DCAKD: variants seen among roughly 807,000 people sequenced by gnomAD.
DCAKD encodes the protein dephospho-CoA kinase domain-containing protein.
In DCAKD, 15 loss-of-function variants were observed where a neutral mutation model predicts 18.7. The ratio of observed to expected loss-of-function variants is 0.80; its 90% CI spans 0.54 to 1.24. DCAKD has a LOEUF of 1.24. Among genes scored for constraint, DCAKD ranks in the 50% most tolerant of loss-of-function variants. The pLI is 0.00. For missense variants in DCAKD, 301 were observed against 322.0 expected (o/e 0.93, Z 0.50); for synonymous variants, 130 against 133.0 (o/e 0.98, Z 0.16).
rs1023215906 is a variant in DCAKD, at chr17:45,034,982, G to A, written c.-97C>T. The A allele has an allele frequency of 6.1e-6, 8 of 1,310,510 alleles. No individual in the cohort carries two copies. The African/African-American group carries it at 1.2e-4, about 19-fold the overall frequency. The allele number at this position is 1,310,510 out of a possible 1,614,324, so 81.2% of individuals were successfully genotyped here. On this transcript the variant is annotated 5_prime_UTR_variant, in exon 2 of 5. Transcript: ENST00000651974. ...TGTGGCCGATGGGGGCGGTCCACCA[G>A]AGGAGTGCCAGAAGGACCTGCTTGG...
chr17:45,029,531 G>T (rs2053132349), intron 4 of DCAKD, among the ~76,000 whole-genome samples: 1 of 152,202 alleles, frequency 6.6e-6, no homozygotes, highest in African/African-American at 2.4e-5. Flanking sequence ...CCTCCTGTTT[G>T]TCAAACCTGG....
chr17:45,055,439 G>A (rs1334608127), upstream of DCAKD, among the ~76,000 whole-genome samples: 2 of 151,934 alleles, frequency 1.3e-5, no homozygotes, highest in African/African-American at 4.8e-5. Flanking sequence ...GCAGTGGCAC[G>A]ATCTTGGCTC....
intron 1 of DCAKD, chr17:45,060,862 C>T (rs2053842972): frequency 4.4e-6 from 1 of 228,764 alleles, no homozygotes; most frequent in Non-Finnish European, 7.3e-6. Flanking sequence ...AGGTAGCACC[C>T]GCGGGCCTCA....
At position 45,030,168 on chromosome 17, in the gene DCAKD, C is replaced by T. The variant is rs767182459; in HGVS notation, c.328G>A (p.Val110Met). ...FKYFLRGYRYVILDIPLLFET... is the reference protein window; with the variant it reads ...FKYFLRGYRYMILDIPLLFET... ...AACAGCAGGGGGATATCCAGAATCA[C>T]GTAGCGGTATCCTGGGGAGAGGTTG... Residue 110 changes from valine (V) to methionine (M), a missense_variant, in exon 4 of 5, where the codon GTG (valine) becomes ATG (methionine). By Grantham distance (21) the Val-to-Met change is conservative (BLOSUM62 1). Coordinates refer to ENST00000651974, the MANE Select transcript of DCAKD (RefSeq NM_001288655.2). 4.5e-5 allele frequency: 73 copies of T among 1,613,956 alleles called. No homozygotes were observed. Among genetic ancestry groups the T allele is most frequent in the Admixed American group, 3.5e-4 (21 of 59,998 alleles).
intron 1 of DCAKD, among the ~76,000 whole-genome samples, chr17:45,041,934 C>A (rs2053446837): frequency 6.7e-6 from 1 of 150,200 alleles, no homozygotes; most frequent in African/African-American, 2.5e-5. Context: ...GCCTGGGCAA[C>A]AAAGCGAGAT....
At chr17:45,049,782 C>T (rs1383540584) in intron 1 of DCAKD, among the ~76,000 whole-genome samples, 1 of 140,098 alleles carries the variant, frequency 7.1e-6, no homozygotes. Flanking sequence ...TGCAGTGGCA[C>T]GATCTCAGCT....
At chr17:45,035,458 G>T (rs1184634452) in intron 1 of DCAKD, among the ~76,000 whole-genome samples, 1 of 149,598 alleles carries the variant, frequency 6.7e-6, no homozygotes, top group Non-Finnish European at 1.5e-5. Flanking sequence ...TGCAGCCGTG[G>T]GTGACAGAAC....
intron 1 of DCAKD, among the ~76,000 whole-genome samples, chr17:45,040,075 A>G (rs2053394782): frequency 6.7e-6 from 1 of 149,596 alleles, no homozygotes; most frequent in Non-Finnish European, 1.5e-5. Context: ...AGCTTGGGCA[A>G]CAAAGTGAGA....
intron 4 of DCAKD, among the ~76,000 whole-genome samples, chr17:45,029,612 T>G (rs1434262965): frequency 6.6e-6 from 1 of 152,178 alleles, no homozygotes; most frequent in East Asian, 1.9e-4. Flanking sequence ...TGACAGTCCC[T>G]TCCACGAAAC....
At chr17:45,054,284 G>A (rs1388125105), upstream of DCAKD, among the ~76,000 whole-genome samples, 1 of 150,246 alleles carries the variant, frequency 6.7e-6, no homozygotes, top group Non-Finnish European at 1.5e-5. Context: ...GTCTGGCTCT[G>A]TTGCCTAGGC....
chr17:45,041,589 C>T (rs1158821050), intron 1 of DCAKD, among the ~76,000 whole-genome samples: 4 of 151,328 alleles, frequency 2.6e-5, no homozygotes, highest in Non-Finnish European at 4.4e-5. Context: ...GGATTACAGG[C>T]GTGAGCCACT....
upstream of DCAKD, among the ~76,000 whole-genome samples, chr17:45,053,251 T>G (rs1249727197): frequency 2.1e-5 from 2 of 95,878 alleles, no homozygotes; most frequent in Non-Finnish European, 4.6e-5. Flanking sequence ...GTTTTTTTTT[T>G]GTTTGGTTTG....
chr17:45,060,007 G>A (rs2053831178), intron 1 of DCAKD, among the ~76,000 whole-genome samples: 1 of 152,146 alleles, frequency 6.6e-6, no homozygotes, highest in Admixed American at 6.5e-5. Flanking sequence ...AGGAGGCCGA[G>A]GCAAGAGAAT....
chr17:45,044,726 A>C (rs2053526279), intron 1 of DCAKD, among the ~76,000 whole-genome samples: 1 of 131,900 alleles, frequency 7.6e-6, no homozygotes, highest in Admixed American at 8.4e-5. Context: ...TAAATAAATA[A>C]ATAAATAAAT....
At chr17:45,040,280 G>A (rs369421915) in intron 1 of DCAKD, among the ~76,000 whole-genome samples, 10 of 151,904 alleles carry the variant, frequency 6.6e-5, no homozygotes, top group Admixed American at 1.3e-4. Flanking sequence ...CCAGCTACTC[G>A]GGAGACTGAG....
At chr17:45,032,431 G>C (rs1043640302) in intron 3 of DCAKD, among the ~76,000 whole-genome samples, 1 of 151,850 alleles carries the variant, frequency 6.6e-6, no homozygotes, top group African/African-American at 2.4e-5. Context: ...GATGAGGGTG[G>C]GGGGAGGTTG....
At chr17:45,031,546 T>C in intron 3 of DCAKD, 1 of 985,354 alleles carries the variant, frequency 1.0e-6, no homozygotes, top group Non-Finnish European at 1.2e-6. Context: ...CCCAAAATGA[T>C]AGTTACTGTT....
intron 1 of DCAKD, among the ~76,000 whole-genome samples, chr17:45,036,161 G>A (rs1431791412): frequency 5.3e-5 from 8 of 152,228 alleles, no homozygotes; most frequent in Non-Finnish European, 4.4e-5. Flanking sequence ...CTGCAACCCC[G>A]GGCAAGCCGC....
At chr17:45,038,556 A>G (rs2053356678) in intron 1 of DCAKD, among the ~76,000 whole-genome samples, 1 of 152,214 alleles carries the variant, frequency 6.6e-6, no homozygotes, top group Non-Finnish European at 1.5e-5. Context: ...AGGAAGATGA[A>G]TCTGTTTGTA....
Sources: gnomAD v4.1 joint callset for allele counts (sites outside exome capture counted in the v4.1 genomes callset) on GRCh38, gnomAD v4.1.1 for gene constraint, MANE v1.5 for transcripts, NCBI Gene and HGNC (gene_info 2026-07-23, HGNC 2026-07-21) for gene names.